Variants in ARHGEF6 observed in about 807,000 individuals in gnomAD.
ARHGEF6 encodes Rac/Cdc42 guanine nucleotide exchange factor 6, also known as rho guanine nucleotide exchange factor 6.
ARHGEF6 carries 9 observed loss-of-function variants against 70.3 expected under a neutral mutation model. The ratio of observed to expected loss-of-function variants is 0.13; its 90% CI spans 0.08 to 0.22. ARHGEF6 has a LOEUF of 0.22. Ranked by LOEUF, ARHGEF6 falls within the 10% of genes least tolerant of loss-of-function variation. The pLI, the probability that ARHGEF6 is intolerant of heterozygous loss-of-function variation, is 1.00. For synonymous variants in ARHGEF6, 201 were observed against 207.8 expected (o/e 0.97, Z 0.28); for missense variants, 470 against 563.0 (o/e 0.83, Z 1.67).
intron 6 of ARHGEF6, among the ~76,000 whole-genome samples, chrX:136,719,411 A>G (rs1459920475): frequency 2.7e-5 from 3 of 112,109 alleles, no homozygotes; most frequent in Non-Finnish European, 5.7e-5. Flanking sequence ...AAATACATTT[A>G]TTTTCTAAAA....
intron 9 of ARHGEF6, among the ~76,000 whole-genome samples, chrX:136,697,740 G>A (rs2076527711): frequency 8.9e-6 from 1 of 112,356 alleles, no homozygotes; most frequent in African/African-American, 3.2e-5. Flanking sequence ...AAACACATAA[G>A]CAAACAACAA....
intron 2 of ARHGEF6, among the ~76,000 whole-genome samples, chrX:136,764,564 C>T (rs1056710333): frequency 4.5e-5 from 5 of 111,407 alleles, no homozygotes; most frequent in Middle Eastern, 9.1e-3. Flanking sequence ...ATATAGAGTA[C>T]CAAAACAGGT....
At chrX:136,742,422 A>C (rs758728687) in intron 5 of ARHGEF6, among the ~76,000 whole-genome samples, 71 of 112,256 alleles carry the variant, frequency 6.3e-4, no homozygotes, top group African/African-American at 2.3e-3. Flanking sequence ...AATAGTATCA[A>C]TTTTGAGGCA....
chrX:136,740,559 G>A (rs1219252459), intron 5 of ARHGEF6, among the ~76,000 whole-genome samples: 2 of 111,297 alleles, frequency 1.8e-5, no homozygotes, highest in African/African-American at 3.3e-5. Context: ...AGTCAGAGTC[G>A]GAGCTTGCCA....
chrX:136,673,834 TTC>T (rs911839914), intron 19 of ARHGEF6, among the ~76,000 whole-genome samples: 1 of 108,542 alleles, frequency 9.2e-6, no homozygotes, highest in Non-Finnish European at 1.9e-5. Flanking sequence ...CTCTCTCTCT[TTC>T]TCTCTCTCTC....
intron 11 of ARHGEF6, among the ~76,000 whole-genome samples, chrX:136,686,594 G>GTATATATATATATATATA (rs770923374): frequency 5.2e-5 from 3 of 57,144 alleles, no homozygotes; most frequent in African/African-American, 7.3e-5. Context: ...GTATGTGTGT[G>GTATATATATATATATATA]TATATATATA....
rs945407358 is a variant in ARHGEF6, at chrX:136,737,109, G to A, written c.662-4937C>T. Among the ~76,000 whole-genome samples the A allele has an allele frequency of 2.7e-5, 3 of 112,017 alleles. No homozygotes were observed. The South Asian group carries it at 1.1e-3, about 42-fold the overall frequency. On this transcript the variant is annotated intron_variant, in intron 5 of 21. Transcript: ENST00000250617. ...TTTGACCCAATAGTAAGCAGACTGA[G>A]ATCACTAAAGATTTTTAGTTCCATG...
intron 2 of ARHGEF6, among the ~76,000 whole-genome samples, chrX:136,758,112 G>A (rs2077228991): frequency 2.3e-5 from 2 of 85,392 alleles, no homozygotes; most frequent in South Asian, 1.2e-3. Context: ...GTGCAGTGGC[G>A]CCATCTCGGC....
Position 136,713,301 on chromosome X carries a change from A to C in ARHGEF6, c.802T>G (p.Leu268Val), listed in dbSNP as rs1319677797. The change falls in exon 7 of 22, where the codon TTA becomes GTA. Residue 268 changes from leucine to valine, a missense_variant. Coordinates refer to ENST00000250617, the MANE Select transcript of ARHGEF6 (RefSeq NM_004840.3). The part of the protein sequence containing the change: ...KELQSLLVTY[L>V]RPLQSNNNLS... ...TTGTTATTGGACTGCAGGGGTCTTAAGTAAGTAACAAGAAGAGACTGAAGT... is the reference window on the plus strand; with the variant it reads ...TTGTTATTGGACTGCAGGGGTCTTACGTAAGTAACAAGAAGAGACTGAAGT... 3 of 1,205,375 alleles carry C rather than the reference A, an allele frequency of 2.5e-6. No homozygotes were observed. Among genetic ancestry groups the C allele is most frequent in the Admixed American group, 4.4e-5 (2 of 45,723 alleles).
In ARHGEF6 at chrX:136,668,530, C is replaced by CTTATTA. The variant is rs1249508000; in HGVS notation, c.2191-362_2191-361insTAATAA. 1.8e-3 allele frequency among the ~76,000 whole-genome samples: 178 copies of CTTATTA among 99,983 alleles called. 1 individual carries two copies. Among genetic ancestry groups the CTTATTA allele is most frequent in the African/African-American group, 5.8e-3 (141 of 24,188 alleles). 86.8% of individuals were successfully genotyped at this position (99,983 alleles called of 115,157 possible). A position where few individuals can be genotyped will look rare whatever the true frequency, so the allele number is the denominator to read the frequency against. On this transcript the variant is annotated intron_variant, in intron 21 of 21. Transcript: ENST00000250617. ...CCTGGTATTTCTTCTTCTTCTTCTTCTTCTTATTATTATTATTATTATTAT... is the reference window on the plus strand; with the variant it reads ...CCTGGTATTTCTTCTTCTTCTTCTTCTTATTATTCTTATTATTATTATTATTATTAT...
intron 5 of ARHGEF6, among the ~76,000 whole-genome samples, chrX:136,733,696 C>T (rs1192745080): frequency 2.7e-5 from 3 of 112,397 alleles, no homozygotes; most frequent in Non-Finnish European, 3.7e-5. Flanking sequence ...TTTACAACAA[C>T]GCTGACAGGC....
In ARHGEF6 at chrX:136,715,927, CTTTG is replaced by C. The variant is rs779720919; in HGVS notation, c.733-2561_733-2558del. 3.5e-4 allele frequency among the ~76,000 whole-genome samples: 39 copies of C among 112,158 alleles called. 1 individual carries two copies. The highest frequency in any genetic ancestry group is 4.6e-3 in the Middle Eastern group (1 of 218). On this transcript the variant is annotated intron_variant, in intron 6 of 21. Transcript: ENST00000250617. ...AACCTATTTTTTGTTTGTTTGTTTG[CTTTG>C]TTTGTTTGTTTCTGTTTTTGTTTTT... is the stretch of plus-strand genomic sequence containing the variant.
At chrX:136,772,786 C>G (rs1302653430) in intron 2 of ARHGEF6, among the ~76,000 whole-genome samples, 1 of 111,736 alleles carries the variant, frequency 8.9e-6, no homozygotes, top group Non-Finnish European at 1.9e-5. Context: ...TCACTTGAAC[C>G]CAAGAGGCCA....
intron 2 of ARHGEF6, among the ~76,000 whole-genome samples, chrX:136,761,265 G>A (rs749513999): frequency 8.9e-6 from 1 of 111,938 alleles, no homozygotes; most frequent in East Asian, 2.8e-4. Context: ...CAATAAGCTA[G>A]GGAAAGAACA....
At position 136,767,110 on chromosome X, in the gene ARHGEF6, C is replaced by T. The variant is rs192749933; in HGVS notation, c.249+12304G>A. 680 of 753,616 alleles carry T rather than the reference C, an allele frequency of 9.0e-4. 5 individuals carry two copies. In the African/African-American group the frequency reaches 0.015, roughly 16 times the overall value. 62.1% of individuals were successfully genotyped at this position (753,616 alleles called of 1,213,427 possible). On this transcript the variant is annotated intron_variant, in intron 2 of 21. Transcript: ENST00000250617. ...CACCCCCGGGCCCTCGCGCGCTCCC[C>T]TTCCCCTGACCCTTTTGCCCCCAGG...
chrX:136,687,197 C>G (rs2076412077), intron 11 of ARHGEF6, among the ~76,000 whole-genome samples: 1 of 111,914 alleles, frequency 8.9e-6, no homozygotes, highest in African/African-American at 3.2e-5. Flanking sequence ...CTAATACTTA[C>G]TCTGGTCTTC....
At chrX:136,771,974 C>G (rs1383285844) in intron 2 of ARHGEF6, among the ~76,000 whole-genome samples, 1 of 112,197 alleles carries the variant, frequency 8.9e-6, no homozygotes, top group African/African-American at 3.2e-5. Flanking sequence ...TGTTGCAGTA[C>G]TGTTCACAAA....
intron 2 of ARHGEF6, among the ~76,000 whole-genome samples, chrX:136,771,983 A>G (rs1235763597): frequency 1.8e-5 from 2 of 112,292 alleles, no homozygotes; most frequent in Non-Finnish European, 3.8e-5. Context: ...ACTGTTCACA[A>G]ATAGCTAAGA....
chrX:136,760,055 A>C (rs2077249987), intron 2 of ARHGEF6, among the ~76,000 whole-genome samples: 1 of 112,189 alleles, frequency 8.9e-6, no homozygotes, highest in African/African-American at 3.2e-5. Flanking sequence ...AATCGGACAG[A>C]TATCTAGTGT....
Sources: gnomAD v4.1 joint callset for allele counts (sites outside exome capture counted in the v4.1 genomes callset) on GRCh38, gnomAD v4.1.1 for gene constraint, MANE v1.5 for transcripts, NCBI Gene and HGNC (gene_info 2026-07-23, HGNC 2026-07-21) for gene names.